Variants in DGKG observed in about 807,000 individuals in gnomAD.
DGKG encodes the protein DAG kinase gamma.
Under a neutral mutation model 105.3 loss-of-function variants are expected in DGKG, and 78 were observed. That is an observed-to-expected ratio of 0.74 (90% CI 0.62 to 0.89). The LOEUF is 0.89. Ranked by LOEUF, DGKG falls within the 40% of genes least tolerant of loss-of-function variation. DGKG has a pLI of 0.00. For missense variants in DGKG, 958 were observed against 1,020.1 expected, an observed-to-expected ratio of 0.94 and a Z score of 0.83; for synonymous variants, 346 against 367.1, an observed-to-expected ratio of 0.94 and a Z score of 0.66.
chr3:186,163,596 CAA>C (rs1716401189), intron 23 of DGKG, among the ~76,000 whole-genome samples: 1 of 152,098 alleles, frequency 6.6e-6, no homozygotes, highest in South Asian at 2.1e-4. Context: ...CTAACAAAAA[CAA>C]GAGTAAAGAG....
intron 3 of DGKG, among the ~76,000 whole-genome samples, chr3:186,299,317 A>G (rs747352963): frequency 6.6e-6 from 1 of 152,200 alleles, no homozygotes; most frequent in African/African-American, 2.4e-5. Context: ...CTGTTCTGGG[A>G]GATCTGGGAG....
At chr3:186,335,067 C>G (rs1255819490) in intron 1 of DGKG, among the ~76,000 whole-genome samples, 1 of 152,066 alleles carries the variant, frequency 6.6e-6, no homozygotes, top group Admixed American at 6.6e-5. Context: ...GTTGTAAGAC[C>G]TGGAGCCCTT....
At chr3:186,308,909 T>C (rs1578812817) in intron 2 of DGKG, among the ~76,000 whole-genome samples, 1 of 152,330 alleles carries the variant, frequency 6.6e-6, no homozygotes, top group South Asian at 2.1e-4. Flanking sequence ...TACTAATCCA[T>C]GCAAGTATTT....
chr3:186,242,383 G>T, intron 20 of DGKG, 121 bp downstream of exon 20: 2 of 729,466 alleles, frequency 2.7e-6, no homozygotes, highest in African/African-American at 1.9e-5. Flanking sequence ...TCCGGCAAGT[G>T]GCAGGAAGGC....
At chr3:186,321,808 T>C (rs754595780) in intron 1 of DGKG, among the ~76,000 whole-genome samples, 81 of 152,310 alleles carry the variant, frequency 5.3e-4, no homozygotes, top group Middle Eastern at 3.4e-3. Context: ...TCTAGCTTTA[T>C]AAAGAAAACC....
At chr3:186,356,120 A>G (rs1726946104) in intron 1 of DGKG, among the ~76,000 whole-genome samples, 1 of 152,258 alleles carries the variant, frequency 6.6e-6, no homozygotes, top group Non-Finnish European at 1.5e-5. Flanking sequence ...TATAGTACAG[A>G]AAGCTGAATA....
intron 23 of DGKG, among the ~76,000 whole-genome samples, chr3:186,163,550 C>T (rs1415978419): frequency 6.6e-6 from 1 of 152,032 alleles, no homozygotes; most frequent in African/African-American, 2.4e-5. Flanking sequence ...CTCTGATTGA[C>T]CCTGAGGGTA....
intron 12 of DGKG, 35 bp downstream of exon 12, chr3:186,268,766 G>T: frequency 6.7e-7 from 1 of 1,494,260 alleles, no homozygotes; most frequent in Non-Finnish European, 9.3e-7. Context: ...AAAAAACGTT[G>T]AAAAGAAGCA....
chr3:186,186,096 C>CAA (rs3049465), intron 22 of DGKG, among the ~76,000 whole-genome samples: 31,776 of 75,060 alleles, frequency 0.42, 7,421 homozygotes, highest in East Asian at 0.67. Flanking sequence ...GACTCTGCCT[C>CAA]AAAAAAAAAA....
intron 16 of DGKG, 78 bp downstream of exon 16, chr3:186,260,361 A>G (rs1024282570): frequency 1.9e-6 from 2 of 1,029,232 alleles, no homozygotes; most frequent in Non-Finnish European, 3.0e-6. Context: ...AAGAAAAAAA[A>G]GGTGACAAAA....
rs1276612629 is a variant in DGKG, at chr3:186,253,180, T to C, written c.1513A>G (p.Lys505Glu). Reference sequence around the variant, plus strand: ...GGTGGATGCTTTGCAAAGTTGGCCTTATCTGCAAGACACACAGAGGAACAG... The same window carrying C: ...GGTGGATGCTTTGCAAAGTTGGCCTCATCTGCAAGACACACAGAGGAACAG... ...TVGWILDCID[K>E]ANFAKHPPVA... Residue 505 changes from lysine to glutamate, a missense_variant and splice_region_variant, in exon 18 of 25, where the codon AAG becomes GAG. Lys to Glu is a moderately conservative substitution (Grantham distance 56, BLOSUM62 1). This residue lies in a region of DGKG where 315 missense variants were observed against 400.6 expected (regional missense o/e 0.79). Transcript: ENST00000265022. The C allele has an allele frequency of 1.2e-6, 2 of 1,613,634 alleles. No homozygotes were observed. Among genetic ancestry groups the C allele is most frequent in the Non-Finnish European group, 1.7e-6 (2 of 1,179,622 alleles).
chr3:186,297,068 T>TCACACACACACACACACACACA lies in DGKG; in HGVS notation c.373+331_373+352dup, dbSNP rs55826465. 2.7e-3 allele frequency among the ~76,000 whole-genome samples: 355 copies of TCACACACACACACACACACACA among 130,464 alleles called. 2 individuals are homozygous for TCACACACACACACACACACACA. The highest frequency in any genetic ancestry group is 3.9e-3 in the East Asian group (17 of 4,406). The allele number at this position is 130,464 out of a possible 152,430, so 85.6% of individuals were successfully genotyped here. On this transcript the variant is annotated intron_variant, in intron 5 of 24. Transcript: ENST00000265022. The stretch of plus-strand genomic sequence containing the variant: ...CTCTCTGTCTGTCTGTCTGTCTCTC[T>TCACACACACACACACACACACA]CACACACACACACACACACACACAC...
At chr3:186,269,311 C>T (rs1398340894) in intron 11 of DGKG, among the ~76,000 whole-genome samples, 1 of 152,234 alleles carries the variant, frequency 6.6e-6, no homozygotes, top group African/African-American at 2.4e-5. Context: ...TTGGGTAGGC[C>T]ACAGACAAAA....
chr3:186,299,861 G>A (rs1723837527), intron 3 of DGKG, among the ~76,000 whole-genome samples: 2 of 76,830 alleles, frequency 2.6e-5, no homozygotes, highest in Non-Finnish European at 4.7e-5. Flanking sequence ...TTGAGATAGA[G>A]CCTTGCTCTG....
intron 5 of DGKG, among the ~76,000 whole-genome samples, chr3:186,292,510 A>G (rs1295740050): frequency 6.6e-6 from 1 of 152,224 alleles, no homozygotes; most frequent in Non-Finnish European, 1.5e-5. Flanking sequence ...ACTGGGTCCC[A>G]AGGCCGGGCA....
At chr3:186,302,775 G>A (rs1724042377) in intron 3 of DGKG, among the ~76,000 whole-genome samples, 1 of 151,932 alleles carries the variant, frequency 6.6e-6, no homozygotes, top group Non-Finnish European at 1.5e-5. Context: ...TAATTGCAAT[G>A]TGTGGTCATC....
At chr3:186,336,392 A>C (rs984879619) in intron 1 of DGKG, among the ~76,000 whole-genome samples, 3 of 152,206 alleles carry the variant, frequency 2.0e-5, no homozygotes, top group African/African-American at 7.2e-5. Context: ...GTTTAAAAAA[A>C]ATGTAAATAT....
intron 5 of DGKG, among the ~76,000 whole-genome samples, chr3:186,296,377 A>G (rs1344608055): frequency 1.3e-5 from 2 of 152,242 alleles, no homozygotes; most frequent in Non-Finnish European, 2.9e-5. Context: ...CTTAAGCAAC[A>G]TGCTCTGTTG....
At chr3:186,285,943 T>C (rs1723048306) in intron 6 of DGKG, among the ~76,000 whole-genome samples, 1 of 152,194 alleles carries the variant, frequency 6.6e-6, no homozygotes, top group African/African-American at 2.4e-5. Context: ...CCTGCCAAAG[T>C]GCTGGGATTA....
Sources: allele counts gnomAD v4.1 joint callset (sites outside exome capture counted in the v4.1 genomes callset), GRCh38; gene constraint gnomAD v4.1.1; regional missense constraint gnomAD v4.1.1; transcripts MANE v1.5; gene names NCBI Gene and HGNC (gene_info 2026-07-23, HGNC 2026-07-21).